SLC2A13: variants seen among roughly 807,000 people sequenced by gnomAD.
SLC2A13 encodes the protein proton myo-inositol cotransporter.
Under a neutral mutation model 64.4 loss-of-function variants are expected in SLC2A13, and 32 were observed. The observed-to-expected ratio is 0.50, with a 90% confidence interval of 0.37 to 0.67. The LOEUF (loss-of-function observed/expected upper bound fraction) is 0.67. Among genes scored for constraint, SLC2A13 ranks in the 30% least tolerant of loss-of-function variants. SLC2A13 has a pLI of 0.00. For missense variants in SLC2A13, 743 were observed against 829.2 expected (o/e 0.90, Z 1.28); for synonymous variants, 338 against 327.1 (o/e 1.03, Z -0.36).
intron 4 of SLC2A13, among the ~76,000 whole-genome samples, chr12:39,898,666 T>C (rs12297746): frequency 0.01 from 1,570 of 152,264 alleles, 29 homozygotes; most frequent in African/African-American, 0.035. Flanking sequence ...TACAAGGCAT[T>C]GAGACCTTAT....
At chr12:40,004,782 A>C (rs954419818) in intron 3 of SLC2A13, among the ~76,000 whole-genome samples, 1 of 152,212 alleles carries the variant, frequency 6.6e-6, no homozygotes, top group African/African-American at 2.4e-5. Context: ...TGATTAATAT[A>C]TATTTTTAAG....
At chr12:40,037,630 CAAA>C (rs36117892) in intron 2 of SLC2A13, among the ~76,000 whole-genome samples, 1 of 74,036 alleles carries the variant, frequency 1.4e-5, no homozygotes. Flanking sequence ...ACTCAGGTCT[CAAA>C]AAAAAAAAAA....
chr12:40,049,546 T>C (rs150143742), intron 1 of SLC2A13, among the ~76,000 whole-genome samples: 1 of 152,244 alleles, frequency 6.6e-6, no homozygotes, highest in Admixed American at 6.5e-5. Flanking sequence ...TTGATGGCTA[T>C]TATAAATTGC....
intron 5 of SLC2A13, among the ~76,000 whole-genome samples, chr12:39,865,640 C>T (rs748000935): frequency 2.6e-5 from 4 of 151,806 alleles, no homozygotes; most frequent in Non-Finnish European, 5.9e-5. Flanking sequence ...TGAGGGTAAA[C>T]GAAAAGGGTC....
intron 3 of SLC2A13, among the ~76,000 whole-genome samples, chr12:39,996,681 G>A (rs576899083): frequency 1.1e-4 from 17 of 152,282 alleles, no homozygotes; most frequent in African/African-American, 3.9e-4. Context: ...CATAGAGTTC[G>A]GGCCGTGGCT....
At chr12:40,041,466 G>A (rs1592031734) in intron 2 of SLC2A13, among the ~76,000 whole-genome samples, 1 of 152,104 alleles carries the variant, frequency 6.6e-6, no homozygotes, top group African/African-American at 2.4e-5. Context: ...TCTGTTGTGA[G>A]GCTAAGTTAT....
At chr12:39,876,428 A>G (rs983324041) in intron 4 of SLC2A13, among the ~76,000 whole-genome samples, 6 of 152,228 alleles carry the variant, frequency 3.9e-5, no homozygotes, top group Admixed American at 2.0e-4. Flanking sequence ...TGAAAAAGCT[A>G]TCTTTTTCAC....
At chr12:39,835,128 C>A (rs1284018827) in intron 6 of SLC2A13, among the ~76,000 whole-genome samples, 1 of 152,070 alleles carries the variant, frequency 6.6e-6, no homozygotes, top group Non-Finnish European at 1.5e-5. Flanking sequence ...AGACTAAAAT[C>A]TTTTCTTTTG....
At chr12:40,014,073 A>G (rs1419312188) in intron 3 of SLC2A13, among the ~76,000 whole-genome samples, 10 of 152,224 alleles carry the variant, frequency 6.6e-5, no homozygotes, top group Non-Finnish European at 1.5e-4. Flanking sequence ...AGTACATTAT[A>G]AAAGTTCCTG....
intron 4 of SLC2A13, among the ~76,000 whole-genome samples, chr12:39,896,405 CATATAT>C (rs1944888005): frequency 9.1e-6 from 1 of 110,404 alleles, no homozygotes; most frequent in African/African-American, 3.5e-5. Flanking sequence ...TATATGTATA[CATATAT>C]GTATGTATAT....
At chr12:39,954,910 T>A (rs1377160859) in intron 3 of SLC2A13, among the ~76,000 whole-genome samples, 1 of 152,136 alleles carries the variant, frequency 6.6e-6, no homozygotes, top group African/African-American at 2.4e-5. Context: ...AACCTACAAT[T>A]GTACTCTCAT....
At chr12:40,007,265 G>C (rs1947438311) in intron 3 of SLC2A13, among the ~76,000 whole-genome samples, 1 of 151,994 alleles carries the variant, frequency 6.6e-6, no homozygotes, top group South Asian at 2.1e-4. Flanking sequence ...TATACATTAG[G>C]TTATTTGTCA....
At chr12:39,934,403 G>A (rs1426563549) in intron 4 of SLC2A13, among the ~76,000 whole-genome samples, 1 of 152,218 alleles carries the variant, frequency 6.6e-6, no homozygotes, top group Admixed American at 6.5e-5. Flanking sequence ...GCATAGATGA[G>A]GCCAGGTTAT....
At chr12:39,862,395 T>C (rs1323089534) in intron 6 of SLC2A13, among the ~76,000 whole-genome samples, 1 of 152,232 alleles carries the variant, frequency 6.6e-6, no homozygotes, top group African/African-American at 2.4e-5. Flanking sequence ...ATCACTGTGG[T>C]CTATAGATTT....
rs1309797122 is a variant in SLC2A13, at chr12:40,022,661, A to T, written c.925+5640T>A. ...AGGCCAGCCTGGCCAACGCGGTGAA[A>T]CCCCGTCTCTACTAGACATACAAAA... On this transcript the variant is annotated intron_variant, in intron 3 of 9. Coordinates refer to ENST00000280871, the MANE Select transcript of SLC2A13 (RefSeq NM_052885.4). 2.0e-5 allele frequency among the ~76,000 whole-genome samples: 3 copies of T among 152,212 alleles called. No individual in the cohort carries two copies. In the East Asian group the frequency reaches 5.8e-4, roughly 29 times the overall value.
intron 1 of SLC2A13, among the ~76,000 whole-genome samples, chr12:40,092,934 C>T (rs1203770559): frequency 6.6e-6 from 1 of 152,212 alleles, no homozygotes; most frequent in Non-Finnish European, 1.5e-5. Context: ...ACAAATCTGT[C>T]TGCCAGGAAA....
chr12:39,828,150 T>C (rs1168895106), intron 7 of SLC2A13, among the ~76,000 whole-genome samples: 1 of 152,182 alleles, frequency 6.6e-6, no homozygotes, highest in African/African-American at 2.4e-5. Context: ...GGTGAACACA[T>C]CCTGCCTTTT....
intron 1 of SLC2A13, among the ~76,000 whole-genome samples, chr12:40,080,515 T>A (rs1485619490): frequency 1.3e-5 from 2 of 152,148 alleles, no homozygotes; most frequent in Non-Finnish European, 2.9e-5. Flanking sequence ...CTTAGCCTCC[T>A]GAGTAGCTGG....
At chr12:39,885,102 G>T (rs1944437015) in intron 4 of SLC2A13, among the ~76,000 whole-genome samples, 5 of 152,186 alleles carry the variant, frequency 3.3e-5, no homozygotes, top group Admixed American at 3.3e-4. Flanking sequence ...TTTCAGGCAG[G>T]GGGCTGATGA....
Sources: allele counts gnomAD v4.1 joint callset (sites outside exome capture counted in the v4.1 genomes callset), GRCh38; gene constraint gnomAD v4.1.1; transcripts MANE v1.5; gene names NCBI Gene and HGNC (gene_info 2026-07-23, HGNC 2026-07-21).